The following SMYD3 variants were observed in gnomAD, a reference collection of about 807,000 sequenced individuals.
SMYD3 encodes the protein SET and MYND domain containing 3, also known as histone-lysine N-methyltransferase SMYD3.
SMYD3 carries 36 observed loss-of-function variants against 57.7 expected under a neutral mutation model. The ratio of observed to expected loss-of-function variants is 0.62; its 90% CI spans 0.48 to 0.82. The LOEUF (loss-of-function observed/expected upper bound fraction) is 0.82, where lower values mean the gene tolerates loss of function less well. SMYD3 is among the 40% of genes least tolerant of loss of function. The pLI is 0.00. For synonymous variants in SMYD3, 211 were observed against 195.0 expected (o/e 1.08, Z -0.68); for missense variants, 515 against 538.8 (o/e 0.96, Z 0.44).
At chr1:246,481,621 T>TATATATATATACACACACACACACAC (rs1307881494) in intron 1 of SMYD3, among the ~76,000 whole-genome samples, 1 of 98,552 alleles carries the variant, frequency 1.0e-5, no homozygotes, top group African/African-American at 3.7e-5. Flanking sequence ...CATACATATA[T>TATATATATATACACACACACACACAC]ACATACATAC....
intron 2 of SMYD3, among the ~76,000 whole-genome samples, chr1:246,343,270 C>T (rs2065659277): frequency 6.6e-6 from 1 of 152,162 alleles, no homozygotes; most frequent in African/African-American, 2.4e-5. Context: ...AAGCATCTAT[C>T]CTAGATTAAT....
At chr1:246,034,735 CTGTCGGACTGCGTGAAGAACTGA>C (rs1281343703) in intron 5 of SMYD3, 1 of 152,836 alleles carries the variant, frequency 6.5e-6, no homozygotes, top group Non-Finnish European at 1.5e-5. Flanking sequence ...CCACACAGCA[CTGTCGGACTGCGTGAAGAACTGA>C]TGGCAGACGC....
intron 5 of SMYD3, among the ~76,000 whole-genome samples, chr1:246,145,011 G>T (rs941037736): frequency 6.6e-6 from 1 of 152,210 alleles, no homozygotes; most frequent in African/African-American, 2.4e-5. Context: ...TTGAAAATCT[G>T]AATTTGTCTT....
intron 1 of SMYD3, among the ~76,000 whole-genome samples, chr1:246,482,172 A>T (rs1249020581): frequency 6.6e-6 from 1 of 152,086 alleles, no homozygotes; most frequent in Non-Finnish European, 1.5e-5. Context: ...GCAAAAAAAA[A>T]TTCCGTAACT....
chr1:246,026,831 C>T (rs1026332505), intron 5 of SMYD3, among the ~76,000 whole-genome samples: 8 of 152,158 alleles, frequency 5.3e-5, no homozygotes, highest in South Asian at 2.1e-4. Context: ...GCACATCTCT[C>T]GCTGTGATTC....
intron 5 of SMYD3, among the ~76,000 whole-genome samples, chr1:246,151,966 T>C (rs899963286): frequency 6.6e-6 from 1 of 152,212 alleles, no homozygotes; most frequent in African/African-American, 2.4e-5. Context: ...CTCCAACCCC[T>C]GAGTCAGAGG....
intron 4 of SMYD3, among the ~76,000 whole-genome samples, chr1:246,329,413 G>A (rs2065420227): frequency 6.6e-6 from 1 of 152,174 alleles, no homozygotes; most frequent in Non-Finnish European, 1.5e-5. Flanking sequence ...TCTCACTGTG[G>A]TTTTGATTTG....
intron 5 of SMYD3, among the ~76,000 whole-genome samples, chr1:245,944,960 T>C (rs948398223): frequency 4.6e-5 from 7 of 152,078 alleles, no homozygotes; most frequent in African/African-American, 1.7e-4. Context: ...CTGGACCCCT[T>C]CCTTACACAT....
chr1:245,988,042 T>A (rs1315388903), intron 5 of SMYD3, among the ~76,000 whole-genome samples: 1 of 151,804 alleles, frequency 6.6e-6, no homozygotes, highest in Non-Finnish European at 1.5e-5. Context: ...AGAACTAGAA[T>A]AAACGCAGAG....
At position 246,481,593 on chromosome 1, in the gene SMYD3, CAT is replaced by C. The variant is rs1200097586; in HGVS notation, c.164+25459_164+25460del. 1.0e-3 allele frequency among the ~76,000 whole-genome samples: 29 copies of C among 27,954 alleles called. 3 individuals are homozygous for C. The East Asian group carries it at 0.11, about 111-fold the overall frequency. 18.3% of individuals were successfully genotyped at this position (27,954 alleles called of 152,430 possible). On this transcript the variant is annotated intron_variant, in intron 1 of 11. Transcript: ENST00000490107. ...ACGGATCATGGGACTTCTCAGGCTC[CAT>C]ATATATATATATACACATACATATA...
In SMYD3 at chr1:246,468,919, TG is replaced by T. The variant is rs1469911084; in HGVS notation, c.164+38134del. 1.1e-4 allele frequency among the ~76,000 whole-genome samples: 17 copies of T among 152,180 alleles called. No homozygotes were observed. In the East Asian group the frequency reaches 2.7e-3, roughly 24 times the overall value. ...TAAGCCAAGGAGTTGGAGGCTACAG[TG>T]AACTATGATCATACCACTGTACTCC... is the stretch of plus-strand genomic sequence containing the variant. On this transcript the variant is annotated intron_variant, in intron 1 of 11. Coordinates refer to ENST00000490107, the MANE Select transcript of SMYD3 (RefSeq NM_001167740.2).
At chr1:246,465,508 G>A (rs1437355707) in intron 1 of SMYD3, among the ~76,000 whole-genome samples, 1 of 152,118 alleles carries the variant, frequency 6.6e-6, no homozygotes, top group African/African-American at 2.4e-5. Flanking sequence ...ATTAATGAAG[G>A]AAGTTGAAAA....
rs185295851 is a variant in SMYD3 at position 246,160,410 on chromosome 1, A to G, written c.531+166791T>C. On this transcript the variant is annotated intron_variant, in intron 5 of 11. Coordinates refer to ENST00000490107, the MANE Select transcript of SMYD3 (RefSeq NM_001167740.2). The stretch of plus-strand genomic sequence containing the variant: ...CATATTAGTGGGAAAGCAGATCTCT[A>G]TACTGCTCCTTCTCACTCTGAGATA... Among the ~76,000 whole-genome samples the G allele has an allele frequency of 1.2e-4, 19 of 152,292 alleles. No individual in the cohort carries two copies. The East Asian group carries it at 1.7e-3, about 14-fold the overall frequency.
intron 1 of SMYD3, among the ~76,000 whole-genome samples, chr1:246,460,955 C>G (rs79925338): frequency 0.018 from 2,697 of 152,302 alleles, 88 homozygotes; most frequent in South Asian, 0.098. Context: ...CCCCAATCAT[C>G]ATAAGAGTAT....
intron 5 of SMYD3, among the ~76,000 whole-genome samples, chr1:246,100,720 G>C (rs1051667852): frequency 6.6e-6 from 1 of 152,110 alleles, no homozygotes; most frequent in Non-Finnish European, 1.5e-5. Context: ...TCCTGGGACA[G>C]AGCTCCTCTG....
At chr1:246,079,701 T>C (rs577288842) in intron 5 of SMYD3, among the ~76,000 whole-genome samples, 3 of 152,184 alleles carry the variant, frequency 2.0e-5, no homozygotes. Flanking sequence ...CATAGCCTTA[T>C]TGCAAACTGT....
intron 5 of SMYD3, among the ~76,000 whole-genome samples, chr1:246,100,464 T>C (rs934476393): frequency 1.3e-5 from 2 of 152,172 alleles, no homozygotes; most frequent in Non-Finnish European, 2.9e-5. Flanking sequence ...GCAATGCCTA[T>C]GTCAACTCAT....
chr1:246,001,534 C>T (rs899988184), intron 5 of SMYD3, among the ~76,000 whole-genome samples: 1 of 103,892 alleles, frequency 9.6e-6, no homozygotes, highest in Non-Finnish European at 2.8e-5. Context: ...ATTAGCCACC[C>T]TTGCCAAAAT....
intron 5 of SMYD3, among the ~76,000 whole-genome samples, chr1:246,125,077 A>ACACACACACACACACACACACAC (rs1553295580): frequency 1.9e-3 from 195 of 104,250 alleles, no homozygotes; most frequent in African/African-American, 5.5e-3. Context: ...GTCTCAAAAA[A>ACACACACACACACACACACACAC]AAAAAAAAAA....
Sources: allele counts gnomAD v4.1 joint callset (sites outside exome capture counted in the v4.1 genomes callset), GRCh38; gene constraint gnomAD v4.1.1; transcripts MANE v1.5; gene names NCBI Gene and HGNC (gene_info 2026-07-23, HGNC 2026-07-21).